Variants in LMX1A observed in about 807,000 individuals in gnomAD.
LMX1A encodes the protein LIM homeobox transcription factor 1 alpha.
A neutral mutation model predicts 49.1 loss-of-function variants in LMX1A; 15 were observed. The observed-to-expected ratio is 0.31, with a 90% confidence interval of 0.20 to 0.47. The LOEUF (loss-of-function observed/expected upper bound fraction) is 0.47, where lower values mean the gene tolerates loss of function less well. Ranked by LOEUF, LMX1A falls within the 20% of genes least tolerant of loss-of-function variation. The pLI, the probability that LMX1A is intolerant of heterozygous loss-of-function variation, is 1.00. For missense variants in LMX1A, 372 were observed against 475.8 expected (o/e 0.78, Z 2.03); for synonymous variants, 167 against 185.7 (o/e 0.90, Z 0.82).
chr1:165,243,815 T>C (rs1050644654), intron 4 of LMX1A, among the ~76,000 whole-genome samples: 1 of 152,248 alleles, frequency 6.6e-6, no homozygotes, highest in African/African-American at 2.4e-5. Flanking sequence ...GTGAAATATA[T>C]ATTTGGTCTT....
chr1:165,305,103 GTA>G (rs1654885410), intron 3 of LMX1A, among the ~76,000 whole-genome samples: 1 of 152,204 alleles, frequency 6.6e-6, no homozygotes, highest in Non-Finnish European at 1.5e-5. Flanking sequence ...TCTTGCGTGT[GTA>G]TGTCTGTGTG....
At chr1:165,294,410 A>G (rs10753669) in intron 3 of LMX1A, among the ~76,000 whole-genome samples, 86,678 of 152,098 alleles carry the variant, frequency 0.57, 25,325 homozygotes, top group Middle Eastern at 0.72. Context: ...TGTGAGCCAT[A>G]GTTGGAAAGT....
At chr1:165,216,160 T>G (rs1356133153) in intron 4 of LMX1A, 1 of 152,184 alleles carries the variant, frequency 6.6e-6, no homozygotes, top group Non-Finnish European at 1.5e-5. Flanking sequence ...ATCTCAGACA[T>G]AACCTTGGTG....
At chr1:165,205,251 C>G (rs1651026697) in intron 8 of LMX1A, among the ~76,000 whole-genome samples, 1 of 152,200 alleles carries the variant, frequency 6.6e-6, no homozygotes, top group Non-Finnish European at 1.5e-5. Flanking sequence ...GCCCCCTACT[C>G]TGGGTCCTCA....
intron 3 of LMX1A, among the ~76,000 whole-genome samples, chr1:165,290,156 TACTG>T (rs1193295871): frequency 5.3e-5 from 8 of 152,242 alleles, no homozygotes; most frequent in Admixed American, 1.3e-4. Context: ...CATTGATGTT[TACTG>T]ACTATCAACT....
intron 8 of LMX1A, among the ~76,000 whole-genome samples, chr1:165,205,129 T>C (rs1000677072): frequency 6.6e-6 from 1 of 152,210 alleles, no homozygotes; most frequent in Non-Finnish European, 1.5e-5. Flanking sequence ...ATCTATCAGA[T>C]TACACAGTAC....
chr1:165,245,006 T>C (rs1202924504), intron 4 of LMX1A, among the ~76,000 whole-genome samples: 1 of 152,126 alleles, frequency 6.6e-6, no homozygotes, highest in East Asian at 1.9e-4. Context: ...ATGTCCTGAG[T>C]TTGGTATCCC....
At chr1:165,352,203 T>A (rs1258609452) in intron 3 of LMX1A, among the ~76,000 whole-genome samples, 1 of 152,276 alleles carries the variant, frequency 6.6e-6, no homozygotes, top group Non-Finnish European at 1.5e-5. Context: ...TACCTCCCAC[T>A]TTCTGGCTTC....
chr1:165,259,136 T>C (rs1278303294), intron 3 of LMX1A, among the ~76,000 whole-genome samples: 1 of 152,226 alleles, frequency 6.6e-6, no homozygotes, highest in Non-Finnish European at 1.5e-5. Context: ...GAACTTTATA[T>C]GTATCTCAAG....
intron 3 of LMX1A, among the ~76,000 whole-genome samples, chr1:165,288,903 G>A (rs912364664): frequency 2.0e-5 from 3 of 152,140 alleles, no homozygotes; most frequent in South Asian, 2.1e-4. Flanking sequence ...AATAGAGGAA[G>A]CGATCTCCTC....
intron 3 of LMX1A, among the ~76,000 whole-genome samples, chr1:165,328,571 C>A (rs1297963670): frequency 1.3e-5 from 2 of 152,170 alleles, no homozygotes; most frequent in African/African-American, 4.8e-5. Flanking sequence ...TGGCTGGCAT[C>A]CTGCTGGAGG....
At chr1:165,321,840 A>C (rs1655395926) in intron 3 of LMX1A, among the ~76,000 whole-genome samples, 2 of 152,200 alleles carry the variant, frequency 1.3e-5, no homozygotes, top group Non-Finnish European at 2.9e-5. Context: ...ATAGGAGAAA[A>C]TATTTGCAAA....
chr1:165,254,760 G>T (rs1204137771), intron 3 of LMX1A, among the ~76,000 whole-genome samples: 1 of 152,186 alleles, frequency 6.6e-6, no homozygotes, highest in Admixed American at 6.5e-5. Flanking sequence ...GAATGCTAAT[G>T]AGACATCGCT....
intron 3 of LMX1A, among the ~76,000 whole-genome samples, chr1:165,281,830 T>A (rs531205934): frequency 3.2e-4 from 49 of 152,184 alleles, no homozygotes; most frequent in African/African-American, 1.2e-3. Flanking sequence ...TGATAAATGT[T>A]CAGAAAGTTA....
In LMX1A at chr1:165,355,611, C is replaced by T. The variant is rs1327792538; in HGVS notation, c.-22-30G>A. Reference sequence around the variant, plus strand: ...AGAGGAGAAGAAACGATGCGTCTGACGTCCGTGCCCGCTGGGACTCGGCGC... The same window carrying T: ...AGAGGAGAAGAAACGATGCGTCTGATGTCCGTGCCCGCTGGGACTCGGCGC... On this transcript the variant is annotated intron_variant, in intron 1 of 8. Transcript: ENST00000342310. This position sits in a 1 kb window ranked among gnomAD's most constrained non-coding sequence, Gnocchi z 4.7. 3.5e-5 allele frequency: 54 copies of T among 1,555,992 alleles called. No homozygotes were observed. The highest frequency in any genetic ancestry group is 4.5e-5 in the Non-Finnish European group (51 of 1,134,890).
At chr1:165,325,882 ATTG>A (rs1655562660) in intron 3 of LMX1A, among the ~76,000 whole-genome samples, 1 of 152,138 alleles carries the variant, frequency 6.6e-6, no homozygotes. Context: ...TGCCATTATG[ATTG>A]TTGTTGTTAT....
intron 3 of LMX1A, among the ~76,000 whole-genome samples, chr1:165,277,357 C>T (rs1030038794): frequency 1.3e-5 from 2 of 152,160 alleles, no homozygotes; most frequent in Non-Finnish European, 2.9e-5. Context: ...CTACCAGGAG[C>T]GCCAGCTTCC....
At chr1:165,318,088 T>C (rs1364994757) in intron 3 of LMX1A, among the ~76,000 whole-genome samples, 1 of 152,218 alleles carries the variant, frequency 6.6e-6, no homozygotes, top group East Asian at 1.9e-4. Flanking sequence ...CTTTTTCTCT[T>C]AGCACTTTCT....
rs764925394 is a variant in LMX1A at position 165,353,129 on chromosome 1, C to A, written c.210G>T (p.Glu70Asp). ...VQCASCKEPLETTCFYRDKKL... is the reference protein window; with the variant it reads ...VQCASCKEPLDTTCFYRDKKL... ...TCTTGTCCCGGTAGAAGCAGGTGGT[C>A]TCCAGGGGCTCTTTGCAGGAGGCGC... Residue 70 changes from glutamate to aspartate, a missense_variant, in exon 3 of 9, where the codon GAG becomes GAT. By Grantham distance (45) the Glu-to-Asp change is conservative. Coordinates refer to ENST00000342310, the MANE Select transcript of LMX1A (RefSeq NM_177398.4). 2 of 1,614,228 alleles carry A rather than the reference C, an allele frequency of 1.2e-6. No homozygotes were observed. The highest frequency in any genetic ancestry group is 1.7e-6 in the Non-Finnish European group (2 of 1,180,044).
Sources: gnomAD v4.1 joint callset for allele counts (sites outside exome capture counted in the v4.1 genomes callset) on GRCh38, gnomAD v4.1.1 for gene constraint, Gnocchi (gnomAD v3.1) non-coding constraint, MANE v1.5 for transcripts, NCBI Gene and HGNC (gene_info 2026-07-23, HGNC 2026-07-21) for gene names.